The following NCAM2 variants were observed in gnomAD, a reference collection of about 807,000 sequenced individuals.
NCAM2 encodes neural cell adhesion molecule 2.
A neutral mutation model predicts 98.1 loss-of-function variants in NCAM2; 30 were observed. That is an observed-to-expected ratio of 0.31 (90% CI 0.23 to 0.41). NCAM2 has a LOEUF of 0.41. Ranked by LOEUF, NCAM2 falls within the 10% of genes least tolerant of loss-of-function variation. The pLI is 1.00. For missense variants in NCAM2, 867 were observed against 1,005.8 expected (o/e 0.86, Z 1.87); for synonymous variants, 368 against 342.4 (o/e 1.07, Z -0.83).
intron 5 of NCAM2, among the ~76,000 whole-genome samples, chr21:21,318,714 A>G (rs1345570656): frequency 6.6e-6 from 1 of 152,190 alleles, no homozygotes; most frequent in East Asian, 1.9e-4. Context: ...GGTTAATTAA[A>G]TATAGAATTT....
At chr21:21,342,803 T>A (rs9306015) in intron 8 of NCAM2, among the ~76,000 whole-genome samples, 82,778 of 152,044 alleles carry the variant, frequency 0.54, 22,667 homozygotes, top group Admixed American at 0.64. Flanking sequence ...TCTTTGGAAA[T>A]GCATCTACAA....
intron 6 of NCAM2, among the ~76,000 whole-genome samples, chr21:21,330,382 T>G (rs2074639123): frequency 6.6e-6 from 1 of 152,088 alleles, no homozygotes; most frequent in Non-Finnish European, 1.5e-5. Flanking sequence ...TCATGTTATT[T>G]TTAATACTAT....
intron 1 of NCAM2, among the ~76,000 whole-genome samples, chr21:21,012,416 A>G (rs948568714): frequency 2.6e-5 from 4 of 152,302 alleles, no homozygotes; most frequent in East Asian, 1.9e-4. Context: ...ATATTATCAT[A>G]GTGAAATTAC....
chr21:21,275,308 C>T (rs904385067), intron 1 of NCAM2, among the ~76,000 whole-genome samples: 3 of 151,538 alleles, frequency 2.0e-5, no homozygotes, highest in African/African-American at 4.8e-5. Context: ...GGCGTGGTGG[C>T]GGGTGCCTGT....
At chr21:21,498,883 T>C (rs1987434491) in intron 15 of NCAM2, among the ~76,000 whole-genome samples, 1 of 152,090 alleles carries the variant, frequency 6.6e-6, no homozygotes, top group Admixed American at 6.6e-5. Context: ...GGGGGCAAAA[T>C]GAATTATAGA....
At chr21:21,501,771 C>T (rs997234328) in intron 15 of NCAM2, among the ~76,000 whole-genome samples, 4 of 151,936 alleles carry the variant, frequency 2.6e-5, no homozygotes, top group African/African-American at 9.7e-5. Flanking sequence ...CAAAACAAGA[C>T]TAATTGACTG....
intron 1 of NCAM2, among the ~76,000 whole-genome samples, chr21:21,124,652 A>G (rs1385209076): frequency 6.6e-6 from 1 of 152,136 alleles, no homozygotes; most frequent in African/African-American, 2.4e-5. Context: ...GTCGTTTAAA[A>G]CTGAGTCATG....
chr21:21,347,495 A>G (rs1038256857), intron 8 of NCAM2, among the ~76,000 whole-genome samples: 1 of 151,920 alleles, frequency 6.6e-6, no homozygotes, highest in Non-Finnish European at 1.5e-5. Flanking sequence ...ACAAGTAATG[A>G]GGTGAAAGCC....
At chr21:21,132,994 G>A (rs1013782021) in intron 1 of NCAM2, among the ~76,000 whole-genome samples, 5 of 151,964 alleles carry the variant, frequency 3.3e-5, no homozygotes, top group African/African-American at 1.2e-4. Flanking sequence ...AATCATACGT[G>A]TTTTTATAAT....
At chr21:21,109,854 C>T (rs78215004) in intron 1 of NCAM2, among the ~76,000 whole-genome samples, 3 of 152,124 alleles carry the variant, frequency 2.0e-5, no homozygotes, top group Non-Finnish European at 4.4e-5. Context: ...AGATAAGAAC[C>T]TTTAACAGAA....
intron 1 of NCAM2, among the ~76,000 whole-genome samples, chr21:21,011,748 C>T (rs9982959): frequency 0.56 from 84,829 of 151,826 alleles, 24,171 homozygotes; most frequent in East Asian, 0.82. Context: ...AAGGGGTTAA[C>T]ATCCAAAATA....
intron 1 of NCAM2, among the ~76,000 whole-genome samples, chr21:21,195,534 A>C (rs1385821929): frequency 6.6e-6 from 1 of 152,194 alleles, no homozygotes; most frequent in Non-Finnish European, 1.5e-5. Flanking sequence ...GTAGGAAATC[A>C]TCCCAAGGGC....
In NCAM2 at chr21:21,418,628, AT is replaced by A. The variant is rs1171106171; in HGVS notation, c.1480+62del. ...ACAATATTTCTGAGAGCAAATGAAA[AT>A]TTAAGTTGATAAAGTGGTCTCATTT... is the stretch of plus-strand genomic sequence containing the variant. On this transcript the variant is annotated intron_variant, in intron 11 of 17. Coordinates refer to ENST00000400546, the MANE Select transcript of NCAM2 (RefSeq NM_004540.5). 7.4e-5 allele frequency: 91 copies of A among 1,233,018 alleles called. 1 individual carries two copies. Among genetic ancestry groups the A allele is most frequent in the South Asian group, 2.9e-4 (24 of 82,712 alleles). 76.4% of individuals were successfully genotyped at this position (1,233,018 alleles called of 1,614,324 possible).
At position 21,540,018 on chromosome 21, in the gene NCAM2, A is replaced by G. The variant is rs1442546772; in HGVS notation, c.*2061A>G. 2 of 152,148 alleles carry G rather than the reference A, an allele frequency of 1.3e-5. No homozygotes were observed. Among genetic ancestry groups the G allele is most frequent in the Non-Finnish European group, 2.9e-5 (2 of 68,020 alleles). The allele number at this position is 152,148 out of a possible 1,614,324, so 9.4% of individuals were successfully genotyped here. Reference sequence around the variant, plus strand: ...CTTAGTAAAGTGTCCATGAAGCAATAGCCATGAATGCTAATTATTTCTAAA... The same window carrying G: ...CTTAGTAAAGTGTCCATGAAGCAATGGCCATGAATGCTAATTATTTCTAAA... On this transcript the variant is annotated 3_prime_UTR_variant, in exon 18 of 18. Transcript: ENST00000400546.
chr21:21,192,817 G>C (rs2068866697), intron 1 of NCAM2, among the ~76,000 whole-genome samples: 1 of 152,134 alleles, frequency 6.6e-6, no homozygotes, highest in African/African-American at 2.4e-5. Flanking sequence ...CAGCCATTCA[G>C]ACCTAATAAT....
intron 9 of NCAM2, among the ~76,000 whole-genome samples, chr21:21,396,150 C>A: frequency 1.4e-5 from 2 of 141,128 alleles, no homozygotes; most frequent in African/African-American, 5.5e-5. Context: ...ACAAGGAACC[C>A]AAATCAGCAA....
At chr21:21,320,736 C>T (rs1378640785) in intron 5 of NCAM2, among the ~76,000 whole-genome samples, 1 of 152,038 alleles carries the variant, frequency 6.6e-6, no homozygotes, top group Non-Finnish European at 1.5e-5. Flanking sequence ...AAATACTAGT[C>T]ATTCTTTACC....
In NCAM2 at chr21:21,472,533, T is replaced by C. The variant is rs139621666; in HGVS notation, c.1896+3750T>C. ...AGCAAGCATTTTAGTAATTTTTCTT[T>C]GCTGTAAGTTAAGAGGATGAGTTTT... is the stretch of plus-strand genomic sequence containing the variant. On this transcript the variant is annotated intron_variant, in intron 14 of 17. Coordinates refer to ENST00000400546, the MANE Select transcript of NCAM2 (RefSeq NM_004540.5). Among the ~76,000 whole-genome samples the C allele has an allele frequency of 4.2e-3, 632 of 152,164 alleles. 8 individuals are homozygous for C. The highest frequency in any genetic ancestry group is 0.014 in the African/African-American group (596 of 41,522).
At chr21:21,434,654 T>C (rs993663665) in intron 12 of NCAM2, among the ~76,000 whole-genome samples, 20 of 152,202 alleles carry the variant, frequency 1.3e-4, no homozygotes, top group Non-Finnish European at 2.4e-4. Context: ...ACTGTAGATA[T>C]ATTATCATCT....
Sources: allele counts gnomAD v4.1 joint callset (sites outside exome capture counted in the v4.1 genomes callset), GRCh38; gene constraint gnomAD v4.1.1; transcripts MANE v1.5; gene names NCBI Gene and HGNC (gene_info 2026-07-23, HGNC 2026-07-21).